EVL: variants seen among roughly 807,000 people sequenced by gnomAD.
The protein encoded by EVL is Enah/Vasp-like.
In EVL, 21 loss-of-function variants were observed where a neutral mutation model predicts 59.6. That is an observed-to-expected ratio of 0.35 (90% CI 0.25 to 0.51). The LOEUF (loss-of-function observed/expected upper bound fraction) is 0.51, where lower values mean the gene tolerates loss of function less well. Ranked by LOEUF, EVL falls within the 20% of genes least tolerant of loss-of-function variation. The pLI is 0.97. For synonymous variants in EVL, 198 were observed against 203.5 expected (o/e 0.97, Z 0.23); for missense variants, 462 against 546.6 (o/e 0.85, Z 1.54).
At chr14:100,133,034 C>T (rs563330021) in intron 8 of EVL, among the ~76,000 whole-genome samples, 13 of 152,268 alleles carry the variant, frequency 8.5e-5, no homozygotes, top group African/African-American at 2.9e-4. Flanking sequence ...AGGCGCTGGC[C>T]GCTGCACCGC....
intron 3 of EVL, among the ~76,000 whole-genome samples, chr14:100,101,440 A>C (rs924696327): frequency 9.2e-5 from 14 of 152,096 alleles, no homozygotes; most frequent in Admixed American, 5.2e-4. Context: ...AGATTGTGCC[A>C]TTGCACTCCA....
At chr14:100,133,182 T>C (rs941899) in intron 8 of EVL, among the ~76,000 whole-genome samples, 69,479 of 152,094 alleles carry the variant, frequency 0.46, 17,035 homozygotes, top group Admixed American at 0.55. Context: ...AAATTATTTC[T>C]GTTTCTAAAG....
chr14:100,078,963 A>G lies in EVL; in HGVS notation c.12-5724A>G, dbSNP rs1005439464. Among the ~76,000 whole-genome samples the G allele has an allele frequency of 3.3e-5, 5 of 152,192 alleles. No homozygotes were observed. The East Asian group carries it at 7.7e-4, about 23-fold the overall frequency. ...CAGGACCACCATGCCAGTCCCAGGG[A>G]GAGAGAGTGAGGCCTTGGCCGCCTG... On this transcript the variant is annotated intron_variant, in intron 1 of 13. Transcript: ENST00000392920.
chr14:99,971,468 T>C (rs1449166186), exon 1 of EVL: 1 of 151,672 alleles, frequency 6.6e-6, no homozygotes, highest in Non-Finnish European at 1.5e-5. Flanking sequence ...CCGCGCCTTT[T>C]GTGTCGGGCT....
chr14:100,112,335 GCCACTGT>G (rs1887051888), intron 3 of EVL, among the ~76,000 whole-genome samples: 2 of 152,264 alleles, frequency 1.3e-5, no homozygotes, highest in Admixed American at 6.5e-5. Context: ...TTTCACAGCA[GCCACTGT>G]CTGACTGGCT....
At chr14:100,030,059 C>T (rs543339836) in intron 1 of EVL, among the ~76,000 whole-genome samples, 2 of 151,842 alleles carry the variant, frequency 1.3e-5, no homozygotes, top group African/African-American at 4.8e-5. Context: ...TATTACCAAT[C>T]TCTGACAGTT....
intron 1 of EVL, among the ~76,000 whole-genome samples, chr14:100,078,984 G>A (rs1273407034): frequency 2.0e-5 from 3 of 152,218 alleles, no homozygotes; most frequent in Admixed American, 1.3e-4. Flanking sequence ...GGCCTTGGCC[G>A]CCTGCTTTCC....
At chr14:100,070,174 G>A (rs2062020316) in intron 1 of EVL, among the ~76,000 whole-genome samples, 1 of 152,146 alleles carries the variant, frequency 6.6e-6, no homozygotes, top group South Asian at 2.1e-4. Flanking sequence ...AGGCTGAGGT[G>A]GGAGGATTGC....
At chr14:100,102,572 C>T (rs899040422) in intron 3 of EVL, 15 of 346,898 alleles carry the variant, frequency 4.3e-5, no homozygotes, top group Non-Finnish European at 6.2e-5. Flanking sequence ...GGCTCTTCCT[C>T]GTCTGGCTTC....
At chr14:100,030,235 A>G (rs1279337568) in intron 1 of EVL, among the ~76,000 whole-genome samples, 4 of 151,388 alleles carry the variant, frequency 2.6e-5, no homozygotes, top group Middle Eastern at 3.4e-3. Flanking sequence ...GGGATTACAG[A>G]CATGTGCCAC....
At chr14:99,997,899 G>C (rs1328888164) in intron 1 of EVL, among the ~76,000 whole-genome samples, 1 of 152,122 alleles carries the variant, frequency 6.6e-6, no homozygotes, top group Non-Finnish European at 1.5e-5. Flanking sequence ...AGAAATGCAA[G>C]GTTTGACTGA....
chr14:100,141,541 G>A (rs931047262), intron 12 of EVL, among the ~76,000 whole-genome samples, 195 bp from the exon 13 acceptor site: 2 of 152,228 alleles, frequency 1.3e-5, no homozygotes, highest in Non-Finnish European at 2.9e-5. Context: ...CCTGAGGGAG[G>A]TGGCAGCAGG....
chr14:100,134,843 C>T (rs1888668378), intron 8 of EVL: 2 of 152,236 alleles, frequency 1.3e-5, no homozygotes, highest in Admixed American at 1.3e-4. Flanking sequence ...GCATGGCCGC[C>T]TCACAGACTG....
At chr14:100,078,410 A>G (rs895407257) in intron 1 of EVL, among the ~76,000 whole-genome samples, 1 of 152,196 alleles carries the variant, frequency 6.6e-6, no homozygotes, top group African/African-American at 2.4e-5. Context: ...TTTCAGAATG[A>G]GGACATAGCA....
At chr14:100,073,307 C>T (rs1350395914) in intron 1 of EVL, among the ~76,000 whole-genome samples, 3 of 150,638 alleles carry the variant, frequency 2.0e-5, no homozygotes, top group Admixed American at 6.6e-5. Flanking sequence ...ACGTACAGCA[C>T]TTTTTCCTTT....
At position 99,972,479 on chromosome 14, in the gene EVL, G is replaced by C. The variant is rs901413373; in HGVS notation, c.5+422G>C. ...CCAGCCCGGAGGAGGCTGGCCTGAA[G>C]CCCCCAGGCGTTGCCGAAGCCTCCC... On this transcript the variant is annotated intron_variant, in intron 1 of 13. Transcript: ENST00000402714. The surrounding 1 kb of genome is among the most constrained non-coding windows in gnomAD (Gnocchi z 4.4). Among the ~76,000 whole-genome samples the C allele has an allele frequency of 1.6e-4, 25 of 152,160 alleles. No individual in the cohort carries two copies. The highest frequency in any genetic ancestry group is 5.8e-4 in the African/African-American group (24 of 41,450).
chr14:99,973,482 A>C (rs1270126808), intron 1 of EVL, among the ~76,000 whole-genome samples: 3 of 152,326 alleles, frequency 2.0e-5, no homozygotes, highest in Non-Finnish European at 4.4e-5. Context: ...GTTTGTTTTG[A>C]GACGGAGTCT....
chr14:100,135,629 G>T, intron 8 of EVL: 1 of 385,336 alleles, frequency 2.6e-6, no homozygotes, highest in East Asian at 5.4e-5. Context: ...CAGGGCTTGC[G>T]GGTGTTGAGG....
intron 1 of EVL, among the ~76,000 whole-genome samples, chr14:100,037,981 C>T (rs2061412067): frequency 6.6e-6 from 1 of 152,148 alleles, no homozygotes. Context: ...AGGAAACACA[C>T]CTAGACAGGG....
Sources: gnomAD v4.1 joint callset for allele counts (sites outside exome capture counted in the v4.1 genomes callset) on GRCh38, gnomAD v4.1.1 for gene constraint, Gnocchi (gnomAD v3.1) non-coding constraint, MANE v1.5 for transcripts, NCBI Gene and HGNC (gene_info 2026-07-23, HGNC 2026-07-21) for gene names.